SLC16A12: variants seen among roughly 807,000 people sequenced by gnomAD.
The protein encoded by SLC16A12 is solute carrier family 16 member 12, also known as monocarboxylate transporter 12.
In SLC16A12, 17 loss-of-function variants were observed where a neutral mutation model predicts 42.4. The ratio of observed to expected loss-of-function variants is 0.40; its 90% CI spans 0.27 to 0.60. The LOEUF (loss-of-function observed/expected upper bound fraction) is 0.60, where lower values mean the gene tolerates loss of function less well. SLC16A12 is among the 20% of genes least tolerant of loss of function. SLC16A12 has a pLI of 0.42. For synonymous variants in SLC16A12, 224 were observed against 229.4 expected (o/e 0.98, Z 0.21); for missense variants, 544 against 623.0 (o/e 0.87, Z 1.35).
intron 2 of SLC16A12, among the ~76,000 whole-genome samples, chr10:89,467,835 C>G (rs1442666872): frequency 6.6e-6 from 1 of 151,970 alleles, no homozygotes; most frequent in Non-Finnish European, 1.5e-5. Flanking sequence ...TATGGTTTTT[C>G]AAGGACTAAA....
chr10:89,473,343 C>T (rs1268067251), intron 2 of SLC16A12, among the ~76,000 whole-genome samples: 2 of 151,544 alleles, frequency 1.3e-5, no homozygotes, highest in Non-Finnish European at 2.9e-5. Flanking sequence ...CAGATACAGA[C>T]CTACACATTT....
intron 2 of SLC16A12, among the ~76,000 whole-genome samples, chr10:89,485,657 TGA>T (rs1393302752): frequency 1.3e-5 from 2 of 152,030 alleles, no homozygotes; most frequent in Admixed American, 1.3e-4. Context: ...ACACAGAGAC[TGA>T]GAGGGCATTT....
chr10:89,509,121 A>G (rs1351856862), intron 2 of SLC16A12, among the ~76,000 whole-genome samples: 2 of 152,176 alleles, frequency 1.3e-5, no homozygotes. Flanking sequence ...CCAACCAAAA[A>G]AAGTCCAGGA....
At chr10:89,464,080 C>T (rs1357770586) in intron 2 of SLC16A12, among the ~76,000 whole-genome samples, 3 of 152,214 alleles carry the variant, frequency 2.0e-5, no homozygotes, top group African/African-American at 7.2e-5. Flanking sequence ...AGCAAACTGC[C>T]ATGCTGCACA....
intron 1 of SLC16A12, chr10:89,556,496 A>G (rs1843816741): frequency 6.6e-6 from 1 of 152,296 alleles, no homozygotes; most frequent in South Asian, 2.1e-4. Context: ...AGGCCTCAGA[A>G]AACAGAATTT....
chr10:89,452,091 T>C (rs981177125), intron 3 of SLC16A12, among the ~76,000 whole-genome samples: 1 of 152,212 alleles, frequency 6.6e-6, no homozygotes, highest in South Asian at 2.1e-4. Context: ...ATCACTTCCT[T>C]GTATTAACAA....
At chr10:89,536,527 C>T (rs1336491240), upstream of SLC16A12, among the ~76,000 whole-genome samples, 1 of 151,994 alleles carries the variant, frequency 6.6e-6, no homozygotes, top group East Asian at 1.9e-4. Context: ...AACGTTGACT[C>T]AAAGCCTGAA....
upstream of SLC16A12, among the ~76,000 whole-genome samples, chr10:89,539,881 C>CTTTCTTTCT (rs1843702260): frequency 6.9e-6 from 1 of 143,986 alleles, no homozygotes; most frequent in Non-Finnish European, 1.5e-5. Flanking sequence ...TTCTTTCTTT[C>CTTTCTTTCT]TTTCTTTCTT....
chr10:89,535,969 G>T (rs964071384), upstream of SLC16A12, among the ~76,000 whole-genome samples: 2 of 152,282 alleles, frequency 1.3e-5, no homozygotes, highest in African/African-American at 2.4e-5. Flanking sequence ...ACTCTGCCTG[G>T]CCGGCAAAGA....
At chr10:89,550,010 A>G (rs1376025637) in intron 2 of SLC16A12, among the ~76,000 whole-genome samples, 1 of 152,122 alleles carries the variant, frequency 6.6e-6, no homozygotes, top group African/African-American at 2.4e-5. Context: ...CAAGCCAAAA[A>G]TCTAGGAGTC....
At chr10:89,524,406 G>A (rs1379051692) in intron 2 of SLC16A12, among the ~76,000 whole-genome samples, 3 of 152,090 alleles carry the variant, frequency 2.0e-5, no homozygotes, top group African/African-American at 7.2e-5. Context: ...CCAGACCCCT[G>A]GCCACACATA....
At chr10:89,553,501 C>A (rs1021540113) in intron 2 of SLC16A12, among the ~76,000 whole-genome samples, 11 of 152,150 alleles carry the variant, frequency 7.2e-5, no homozygotes, top group Non-Finnish European at 1.6e-4. Context: ...CTTAATAGTT[C>A]GCAGGCATTT....
chr10:89,472,067 T>C (rs1277064363), intron 2 of SLC16A12, among the ~76,000 whole-genome samples: 1 of 152,222 alleles, frequency 6.6e-6, no homozygotes, highest in African/African-American at 2.4e-5. Context: ...TCCCACTCTG[T>C]GGCTTACCTA....
intron 2 of SLC16A12, among the ~76,000 whole-genome samples, chr10:89,530,510 T>C (rs970461148): frequency 1.3e-4 from 19 of 151,976 alleles, no homozygotes; most frequent in East Asian, 5.8e-4. Context: ...CTCCGCCTCC[T>C]GGGTTCATGC....
At chr10:89,544,824 A>T (rs2133886684) in intron 2 of SLC16A12, among the ~76,000 whole-genome samples, 1 of 152,216 alleles carries the variant, frequency 6.6e-6, no homozygotes, top group East Asian at 1.9e-4. Context: ...TCTGGGGTAG[A>T]TTGATTGTAA....
chr10:89,488,846 G>A (rs139312038), intron 2 of SLC16A12, among the ~76,000 whole-genome samples: 38 of 152,248 alleles, frequency 2.5e-4, no homozygotes, highest in African/African-American at 8.4e-4. Flanking sequence ...GGAATATTCT[G>A]CATAATATCA....
intron 2 of SLC16A12, among the ~76,000 whole-genome samples, chr10:89,554,832 G>A (rs1482835638): frequency 6.6e-6 from 1 of 152,108 alleles, no homozygotes; most frequent in Non-Finnish European, 1.5e-5. Context: ...GGCCCCTCTA[G>A]CCCTCTAGCC....
chr10:89,448,588 G>T (rs186678141), intron 3 of SLC16A12, among the ~76,000 whole-genome samples: 450 of 152,156 alleles, frequency 3.0e-3, no homozygotes, highest in African/African-American at 9.6e-3. Flanking sequence ...AATAAACTAG[G>T]TATTGATGGA....
At chr10:89,554,843 A>T (rs974671975) in intron 2 of SLC16A12, among the ~76,000 whole-genome samples, 1 of 152,160 alleles carries the variant, frequency 6.6e-6, no homozygotes, top group Admixed American at 6.5e-5. Flanking sequence ...CCCTCTAGCC[A>T]TCTGAATTTC....
Sources: allele counts gnomAD v4.1 joint callset (sites outside exome capture counted in the v4.1 genomes callset), GRCh38; gene constraint gnomAD v4.1.1; transcripts MANE v1.5; gene names NCBI Gene and HGNC (gene_info 2026-07-23, HGNC 2026-07-21).